The following KDM4C variants were observed in gnomAD, a reference collection of about 807,000 sequenced individuals.
KDM4C encodes lysine-specific demethylase 4C.
Under a neutral mutation model 129.3 loss-of-function variants are expected in KDM4C, and 81 were observed. That is an observed-to-expected ratio of 0.63 (90% CI 0.52 to 0.75). The LOEUF is 0.75. KDM4C is among the 30% of genes least tolerant of loss of function. The pLI, the probability that KDM4C is intolerant of heterozygous loss-of-function variation, is 0.00. For missense variants in KDM4C, 1,457 were observed against 1,304.0 expected (o/e 1.12, Z -1.81); for synonymous variants, 573 against 456.1 (o/e 1.26, Z -3.26).
chr9:6,901,744 A>G (rs151230996), intron 8 of KDM4C, among the ~76,000 whole-genome samples: 1 of 152,232 alleles, frequency 6.6e-6, no homozygotes, highest in Non-Finnish European at 1.5e-5. Context: ...AGATTCATTG[A>G]CAGAATCTGC....
At chr9:7,159,248 C>T (rs1454166300) in intron 19 of KDM4C, among the ~76,000 whole-genome samples, 5 of 152,080 alleles carry the variant, frequency 3.3e-5, no homozygotes, top group Admixed American at 6.6e-5. Flanking sequence ...CTGGGTCTTC[C>T]GAATACAGCA....
At position 7,174,745 on chromosome 9, in the gene KDM4C, G is replaced by A. The variant is rs749212960; in HGVS notation, c.*16G>A. 1.9e-6 allele frequency: 3 copies of A among 1,609,736 alleles called. No homozygotes were observed. Among genetic ancestry groups the A allele is most frequent in the South Asian group, 1.1e-5 (1 of 90,812 alleles). ...GAGACAGTAGTCTGCATACATCGCT[G>A]CAGGCCACAGAGCAGCTTGGGTTGG... is the stretch of plus-strand genomic sequence containing the variant. On this transcript the variant is annotated 3_prime_UTR_variant, in exon 22 of 22. Transcript: ENST00000381309.
At chr9:7,114,691 T>G (rs1396638819) in intron 18 of KDM4C, among the ~76,000 whole-genome samples, 3 of 152,182 alleles carry the variant, frequency 2.0e-5, no homozygotes, top group Admixed American at 2.0e-4. Flanking sequence ...AATGCTTAGG[T>G]GAAACTTGTC....
chr9:6,759,293 C>T (rs1453645659), intron 1 of KDM4C, among the ~76,000 whole-genome samples: 1 of 152,164 alleles, frequency 6.6e-6, no homozygotes, highest in Non-Finnish European at 1.5e-5. Context: ...TGTCTAAATT[C>T]CGGGCAGCTT....
At chr9:7,109,875 G>C (rs1012430782) in intron 18 of KDM4C, among the ~76,000 whole-genome samples, 2 of 152,170 alleles carry the variant, frequency 1.3e-5, no homozygotes, top group Non-Finnish European at 2.9e-5. Flanking sequence ...GTCAAGGGCA[G>C]TCCAGGTAGA....
intron 8 of KDM4C, among the ~76,000 whole-genome samples, chr9:6,936,367 A>G (rs1414501320): frequency 6.6e-6 from 1 of 152,172 alleles, no homozygotes; most frequent in Non-Finnish European, 1.5e-5. Context: ...ACATGTATAC[A>G]AACAGTATTA....
At chr9:7,055,377 G>A (rs1488799058) in intron 17 of KDM4C, among the ~76,000 whole-genome samples, 1 of 152,194 alleles carries the variant, frequency 6.6e-6, no homozygotes, top group Non-Finnish European at 1.5e-5. Context: ...GGCATTCGAT[G>A]ACCTCTGATT....
intron 8 of KDM4C, among the ~76,000 whole-genome samples, chr9:6,903,300 T>A (rs113423568): frequency 3.3e-5 from 5 of 152,332 alleles, no homozygotes; most frequent in African/African-American, 1.2e-4. Flanking sequence ...TGAAAACTTG[T>A]TTCTTTGAAG....
chr9:7,011,569 A>G, intron 12 of KDM4C, 129 bp from the exon 13 acceptor site: 1 of 780,746 alleles, frequency 1.3e-6, no homozygotes, highest in Admixed American at 2.4e-5. Flanking sequence ...ATGTATTTGA[A>G]AGACAAAGTA....
intron 5 of KDM4C, among the ~76,000 whole-genome samples, chr9:6,856,627 C>T (rs936154104): frequency 2.7e-5 from 4 of 148,832 alleles, no homozygotes; most frequent in South Asian, 2.1e-4. Flanking sequence ...GGGCTGAATG[C>T]GGTGTTGCGA....
intron 1 of KDM4C, among the ~76,000 whole-genome samples, chr9:6,767,599 T>G (rs1295583692): frequency 6.6e-6 from 1 of 152,190 alleles, no homozygotes; most frequent in Non-Finnish European, 1.5e-5. Flanking sequence ...CATGCCTGGC[T>G]AATTTTTGTG....
chr9:7,070,713 A>C (rs780394456), intron 17 of KDM4C, among the ~76,000 whole-genome samples: 6 of 152,168 alleles, frequency 3.9e-5, no homozygotes, highest in Non-Finnish European at 8.8e-5. Context: ...TCCTCATTCT[A>C]ATAAAGCATA....
chr9:6,962,574 T>C (rs10815490), intron 8 of KDM4C, among the ~76,000 whole-genome samples: 50,287 of 152,036 alleles, frequency 0.33, 9,079 homozygotes, highest in East Asian at 0.64. Flanking sequence ...TTTCAGCATT[T>C]ACATTTTCAC....
intron 8 of KDM4C, among the ~76,000 whole-genome samples, chr9:6,952,385 G>T (rs999724914): frequency 6.8e-6 from 1 of 146,468 alleles, no homozygotes. Context: ...TACTGATATG[G>T]GAAATTGTTC....
intron 8 of KDM4C, among the ~76,000 whole-genome samples, chr9:6,966,780 A>C (rs1831052222): frequency 6.6e-6 from 1 of 152,182 alleles, no homozygotes; most frequent in Non-Finnish European, 1.5e-5. Context: ...CACCATACAC[A>C]ACTACTAATT....
chr9:6,866,451 C>T (rs191292886), intron 5 of KDM4C, among the ~76,000 whole-genome samples: 2 of 152,210 alleles, frequency 1.3e-5, no homozygotes, highest in East Asian at 3.9e-4. Flanking sequence ...CCCAGGAGAC[C>T]TGTGGGACAG....
intron 15 of KDM4C, among the ~76,000 whole-genome samples, chr9:7,036,150 T>C (rs1278184486): frequency 6.6e-6 from 1 of 152,174 alleles, no homozygotes; most frequent in Non-Finnish European, 1.5e-5. Flanking sequence ...TTGTATCTCC[T>C]TCAGTTTCTT....
chr9:7,128,791 C>CGT (rs776328192), intron 19 of KDM4C, among the ~76,000 whole-genome samples: 3 of 151,592 alleles, frequency 2.0e-5, no homozygotes, highest in South Asian at 2.2e-4. Context: ...TGTGCGTGCG[C>CGT]GTGTGTGTGT....
chr9:7,156,670 T>C lies in KDM4C; in HGVS notation c.2782-8568T>C, dbSNP rs145121105. Reference sequence around the variant, plus strand: ...CAAAGATCAGATGGTTTTAGATGTGTGGTGTTATTTCTGAGGCCTGTGTTC... The same window carrying C: ...CAAAGATCAGATGGTTTTAGATGTGCGGTGTTATTTCTGAGGCCTGTGTTC... On this transcript the variant is annotated intron_variant, in intron 19 of 21. Transcript: ENST00000381309. Among the ~76,000 whole-genome samples the C allele has an allele frequency of 0.023, 3,429 of 152,274 alleles. 253 individuals carry two copies. The East Asian group carries it at 0.26, about 12-fold the overall frequency.
Sources: gnomAD v4.1 joint callset for allele counts (sites outside exome capture counted in the v4.1 genomes callset) on GRCh38, gnomAD v4.1.1 for gene constraint, MANE v1.5 for transcripts, NCBI Gene and HGNC (gene_info 2026-07-23, HGNC 2026-07-21) for gene names.